Variants in TUNAR observed in about 807,000 individuals in gnomAD.
TUNAR encodes transmembrane neural differentiation associated intracellular calcium regulator, also known as protein TUNAR.
chr14:95,912,948 A>G (rs924392466), intron 2 of TUNAR, among the ~76,000 whole-genome samples: 1 of 151,952 alleles, frequency 6.6e-6, no homozygotes, highest in Non-Finnish European at 1.5e-5. Context: ...CTGCCGCCAC[A>G]CCTGGCTAAT....
intron 2 of TUNAR, among the ~76,000 whole-genome samples, chr14:95,880,157 T>G (rs1888957304): frequency 6.6e-6 from 1 of 152,220 alleles, no homozygotes; most frequent in Non-Finnish European, 1.5e-5. Context: ...TATATGTGTG[T>G]GTATTGGTAC....
chr14:95,886,780 A>G (rs2139654170), intron 2 of TUNAR, among the ~76,000 whole-genome samples: 2 of 152,350 alleles, frequency 1.3e-5, no homozygotes, highest in South Asian at 4.1e-4. Flanking sequence ...AGGCCGGCCA[A>G]TGCCCAGTGC....
intron 2 of TUNAR, among the ~76,000 whole-genome samples, chr14:95,903,232 A>G (rs893507739): frequency 6.6e-6 from 1 of 152,192 alleles, no homozygotes; most frequent in Non-Finnish European, 1.5e-5. Context: ...AAATGTGATG[A>G]TAGTGTCTTC....
At chr14:95,908,805 G>A (rs1889467220) in intron 2 of TUNAR, among the ~76,000 whole-genome samples, 1 of 152,216 alleles carries the variant, frequency 6.6e-6, no homozygotes. Flanking sequence ...AGTTGATGTA[G>A]TTTAGGTGAC....
intron 2 of TUNAR, among the ~76,000 whole-genome samples, chr14:95,894,918 ATGTGCATATTG>A (rs1889237962): frequency 6.6e-6 from 1 of 152,240 alleles, no homozygotes; most frequent in African/African-American, 2.4e-5. Flanking sequence ...AGTCCACAGC[ATGTGCATATTG>A]GTGCAGGGCA....
chr14:95,893,636 A>G (rs899145295), intron 2 of TUNAR, among the ~76,000 whole-genome samples: 51 of 152,084 alleles, frequency 3.4e-4, no homozygotes, highest in Admixed American at 2.9e-3. Context: ...TCATTTAACA[A>G]AAATAGACAA....
intron 2 of TUNAR, among the ~76,000 whole-genome samples, chr14:95,885,246 ATCT>A (rs1315432292): frequency 2.6e-5 from 4 of 152,348 alleles, no homozygotes; most frequent in African/African-American, 9.6e-5. Context: ...CTCAGCATCA[ATCT>A]TCTTTGGGAT....
intron 2 of TUNAR, among the ~76,000 whole-genome samples, chr14:95,921,209 C>G (rs952945804): frequency 2.6e-5 from 4 of 152,222 alleles, no homozygotes; most frequent in Non-Finnish European, 5.9e-5. Flanking sequence ...TAATCTCATC[C>G]TGACACACAC....
chr14:95,907,798 G>A (rs1361933083), intron 2 of TUNAR, among the ~76,000 whole-genome samples: 2 of 152,188 alleles, frequency 1.3e-5, no homozygotes, highest in African/African-American at 2.4e-5. Context: ...TGAAGAGGGT[G>A]ACTCCTCTTT....
At chr14:95,914,052 C>T (rs988870691) in intron 2 of TUNAR, among the ~76,000 whole-genome samples, 4 of 152,194 alleles carry the variant, frequency 2.6e-5, no homozygotes, top group African/African-American at 9.7e-5. Context: ...TTTATAGCAA[C>T]CTTGGATAAA....
intron 2 of TUNAR, among the ~76,000 whole-genome samples, chr14:95,894,351 C>T (rs753852117): frequency 1.3e-5 from 2 of 152,146 alleles, no homozygotes; most frequent in Non-Finnish European, 2.9e-5. Flanking sequence ...GGCTTGGGGA[C>T]CCCCTAAATG....
chr14:95,884,511 C>T (rs756888150), intron 2 of TUNAR, among the ~76,000 whole-genome samples: 2 of 152,214 alleles, frequency 1.3e-5, no homozygotes, highest in Non-Finnish European at 2.9e-5. Context: ...CCCACTTGGG[C>T]AAATCTGTTT....
intron 2 of TUNAR, among the ~76,000 whole-genome samples, chr14:95,897,591 G>A (rs1056391866): frequency 1.3e-5 from 2 of 152,240 alleles, no homozygotes; most frequent in African/African-American, 4.8e-5. Flanking sequence ...GTTGAGAACA[G>A]TAGGTGACAT....
intron 2 of TUNAR, among the ~76,000 whole-genome samples, chr14:95,896,202 A>C (rs983515127): frequency 6.6e-6 from 1 of 152,010 alleles, no homozygotes; most frequent in African/African-American, 2.4e-5. Flanking sequence ...TACCGATCTC[A>C]ACGATTATGC....
At chr14:95,901,200 C>T (rs543518275) in intron 2 of TUNAR, among the ~76,000 whole-genome samples, 1 of 152,350 alleles carries the variant, frequency 6.6e-6, no homozygotes, top group South Asian at 2.1e-4. Flanking sequence ...GCAGAGCTGA[C>T]AGGAGCCATT....
intron 2 of TUNAR, among the ~76,000 whole-genome samples, chr14:95,897,215 G>A (rs1175709020): frequency 6.6e-6 from 1 of 152,158 alleles, no homozygotes; most frequent in East Asian, 1.9e-4. Context: ...TCCAGGATTT[G>A]CATCCAGACA....
intron 2 of TUNAR, among the ~76,000 whole-genome samples, chr14:95,889,632 G>A (rs1261622091): frequency 6.6e-6 from 1 of 152,150 alleles, no homozygotes. Context: ...CTGTCTCCTG[G>A]TCCTTCACCA....
At chr14:95,886,720 T>C (rs1889083132) in intron 2 of TUNAR, among the ~76,000 whole-genome samples, 1 of 152,180 alleles carries the variant, frequency 6.6e-6, no homozygotes, top group Non-Finnish European at 1.5e-5. Flanking sequence ...AGAAGTGGAA[T>C]TGTGGCCGAG....
intron 2 of TUNAR, among the ~76,000 whole-genome samples, chr14:95,880,352 G>A (rs1191399129): frequency 2.6e-5 from 4 of 152,254 alleles, no homozygotes; most frequent in Admixed American, 1.3e-4. Flanking sequence ...TGGAGACTCC[G>A]TACCCTGAGT....
Sources: gnomAD v4.1 joint callset for allele counts (sites outside exome capture counted in the v4.1 genomes callset) on GRCh38, gnomAD v4.1.1 for gene constraint, MANE v1.5 for transcripts, NCBI Gene and HGNC (gene_info 2026-07-23, HGNC 2026-07-21) for gene names.